Variants in GRID1 observed in about 807,000 individuals in gnomAD.
GRID1 encodes glutamate receptor ionotropic, delta-1.
GRID1 carries 28 observed loss-of-function variants against 98.0 expected under a neutral mutation model. The observed-to-expected ratio is 0.29, with a 90% CI of 0.21 to 0.39. The LOEUF is 0.39. Among genes scored for constraint, GRID1 ranks in the 10% least tolerant of loss-of-function variants. The pLI is 1.00. For missense variants in GRID1, 1,111 were observed against 1,340.5 expected (o/e 0.83, Z 2.67); for synonymous variants, 553 against 538.5 (o/e 1.03, Z -0.37).
intron 8 of GRID1, among the ~76,000 whole-genome samples, chr10:85,820,141 CAGAAAGAA>C (rs71016112): frequency 0.017 from 1,975 of 114,838 alleles, 99 homozygotes; most frequent in African/African-American, 0.058. Flanking sequence ...AAGAAAGAAA[CAGAAAGAA>C]AGAAAGAAAG....
At chr10:86,247,631 C>T (rs1362331249) in intron 2 of GRID1, among the ~76,000 whole-genome samples, 1 of 152,138 alleles carries the variant, frequency 6.6e-6, no homozygotes, top group Non-Finnish European at 1.5e-5. Flanking sequence ...GCCATGACTA[C>T]CCCTAAAAGT....
intron 4 of GRID1, among the ~76,000 whole-genome samples, chr10:85,950,290 T>C (rs965741186): frequency 6.6e-6 from 1 of 152,172 alleles, no homozygotes; most frequent in Non-Finnish European, 1.5e-5. Context: ...GCCGCTATTC[T>C]GGAGCTAAAG....
At chr10:86,165,617 A>G (rs974961037) in intron 3 of GRID1, among the ~76,000 whole-genome samples, 5 of 152,152 alleles carry the variant, frequency 3.3e-5, no homozygotes, top group Non-Finnish European at 7.3e-5. Context: ...AGTCGTTTCC[A>G]GTTCTGGGTT....
chr10:85,878,494 T>C (rs556290032), intron 5 of GRID1, among the ~76,000 whole-genome samples: 9 of 152,062 alleles, frequency 5.9e-5, no homozygotes, highest in South Asian at 2.1e-4. Context: ...GAATTTTCAA[T>C]CCAGAATTTC....
chr10:86,309,285 G>C (rs552487745), intron 2 of GRID1, among the ~76,000 whole-genome samples: 1 of 152,060 alleles, frequency 6.6e-6, no homozygotes, highest in Non-Finnish European at 1.5e-5. Flanking sequence ...CAGCATCCTC[G>C]GTCATCCATT....
In GRID1 at chr10:86,032,968, T is replaced by TATAA. The variant is rs758055757; in HGVS notation, c.726+105847_726+105850dup. Reference sequence around the variant, plus strand: ...ATCAGGATCCAATTTAAAAAATAAATATAAATAAATAAATAAATAAATATC... The same window carrying TATAA: ...ATCAGGATCCAATTTAAAAAATAAATATAAATAAATAAATAAATAAATAAATATC... On this transcript the variant is annotated intron_variant, in intron 4 of 15. Coordinates refer to ENST00000327946, the MANE Select transcript of GRID1 (RefSeq NM_017551.3). 7.6e-4 allele frequency among the ~76,000 whole-genome samples: 114 copies of TATAA among 150,432 alleles called. No individual in the cohort carries two copies. In the Middle Eastern group the frequency reaches 0.01, roughly 14 times the overall value.
intron 5 of GRID1, among the ~76,000 whole-genome samples, chr10:85,908,688 T>G (rs900599678): frequency 6.6e-6 from 1 of 152,182 alleles, no homozygotes; most frequent in Non-Finnish European, 1.5e-5. Flanking sequence ...AAGCTGATTT[T>G]AAATGTATAC....
chr10:86,030,604 G>T (rs1424402172), intron 4 of GRID1, among the ~76,000 whole-genome samples: 7 of 152,150 alleles, frequency 4.6e-5, no homozygotes, highest in African/African-American at 1.7e-4. Flanking sequence ...TGCACATGAT[G>T]CCCCTTTTCA....
intron 8 of GRID1, among the ~76,000 whole-genome samples, chr10:85,806,005 A>AG: frequency 6.6e-6 from 1 of 152,054 alleles, no homozygotes; most frequent in South Asian, 2.1e-4. Context: ...AAAAAAAAAA[A>AG]AGTCCATTAA....
chr10:85,841,135 A>C (rs1295651829), intron 8 of GRID1, among the ~76,000 whole-genome samples: 1 of 152,194 alleles, frequency 6.6e-6, no homozygotes, highest in Non-Finnish European at 1.5e-5. Flanking sequence ...TGGTACAAAA[A>C]CAGACATCTA....
chr10:86,185,348 C>A (rs534338290), intron 3 of GRID1, among the ~76,000 whole-genome samples: 2 of 152,240 alleles, frequency 1.3e-5, no homozygotes, highest in South Asian at 4.1e-4. Context: ...GCTAAACTCA[C>A]TTGTTAATTC....
At chr10:86,343,697 C>G (rs2132111668) in intron 2 of GRID1, among the ~76,000 whole-genome samples, 1 of 152,316 alleles carries the variant, frequency 6.6e-6, no homozygotes, top group African/African-American at 2.4e-5. Context: ...GAGATCCCAG[C>G]CTTGAAGTTA....
chr10:86,020,414 G>C (rs1246416940), intron 4 of GRID1, among the ~76,000 whole-genome samples: 20 of 152,244 alleles, frequency 1.3e-4, no homozygotes, highest in Admixed American at 1.3e-3. Flanking sequence ...CGCCCATGCA[G>C]CTCCAGCCTG....
At chr10:86,079,129 CAG>C (rs1843928606) in intron 4 of GRID1, among the ~76,000 whole-genome samples, 1 of 152,192 alleles carries the variant, frequency 6.6e-6, no homozygotes, top group South Asian at 2.1e-4. Context: ...GCACAGGTTT[CAG>C]AGAGGTGAGT....
intron 14 of GRID1, among the ~76,000 whole-genome samples, chr10:85,618,548 G>T (rs76291135): frequency 0.012 from 1,780 of 152,282 alleles, 18 homozygotes; most frequent in Non-Finnish European, 0.017. Flanking sequence ...GGGAGGAAAA[G>T]AATGTATACT....
At chr10:85,711,072 T>C (rs1180862185) in intron 12 of GRID1, among the ~76,000 whole-genome samples, 1 of 152,030 alleles carries the variant, frequency 6.6e-6, no homozygotes, top group East Asian at 1.9e-4. Flanking sequence ...ATGGTTATTC[T>C]TCAAAAAAAT....
intron 3 of GRID1, among the ~76,000 whole-genome samples, chr10:86,143,025 C>T (rs894116946): frequency 6.6e-6 from 1 of 152,232 alleles, no homozygotes; most frequent in African/African-American, 2.4e-5. Flanking sequence ...TCTATTCCAG[C>T]AGCCCCTAAT....
chr10:86,243,606 AG>A (rs1359103173), intron 2 of GRID1, among the ~76,000 whole-genome samples: 19 of 152,232 alleles, frequency 1.2e-4, no homozygotes, highest in Admixed American at 9.2e-4. Flanking sequence ...CCTCTATGCC[AG>A]GCCCTGGAGA....
At chr10:85,625,847 C>A (rs1051066077) in intron 13 of GRID1, among the ~76,000 whole-genome samples, 1 of 152,234 alleles carries the variant, frequency 6.6e-6, no homozygotes, top group Non-Finnish European at 1.5e-5. Context: ...TGACTTCACA[C>A]TGGCAGTAAA....
Sources: gnomAD v4.1 joint callset for allele counts (sites outside exome capture counted in the v4.1 genomes callset) on GRCh38, gnomAD v4.1.1 for gene constraint, MANE v1.5 for transcripts, NCBI Gene and HGNC (gene_info 2026-07-23, HGNC 2026-07-21) for gene names.